ANO2: variants seen among roughly 807,000 people sequenced by gnomAD.
ANO2 encodes the protein anoctamin 2, also known as anoctamin-2.
In ANO2, 101 loss-of-function variants were observed where a neutral mutation model predicts 124.2. The observed-to-expected ratio is 0.81, with a 90% CI of 0.69 to 0.96. The LOEUF (loss-of-function observed/expected upper bound fraction) is 0.96. Among genes scored for constraint, ANO2 ranks in the 40% least tolerant of loss-of-function variants. The pLI, the probability that ANO2 is intolerant of heterozygous loss-of-function variation, is 0.00. For synonymous variants in ANO2, 486 were observed against 482.5 expected (o/e 1.01, Z -0.09); for missense variants, 1,293 against 1,274.5 (o/e 1.01, Z -0.22).
rs1299364590 is a variant in ANO2, at chr12:5,563,588, G to A, written c.2728-20C>T. Reference sequence around the variant, plus strand: ...GAGGTTCTGCAAAAAGCCAAGGAGAGAGGGGCTGAGTTGGAGAGGCCCGGC... The same window carrying A: ...GAGGTTCTGCAAAAAGCCAAGGAGAAAGGGGCTGAGTTGGAGAGGCCCGGC... On this transcript the variant is annotated intron_variant, in intron 24 of 24. Coordinates refer to ENST00000682330, the MANE Select transcript of ANO2 (RefSeq NM_001364791.2). The A allele has an allele frequency of 6.2e-6, 10 of 1,612,344 alleles. No individual in the cohort carries two copies. Among genetic ancestry groups the A allele is most frequent in the Non-Finnish European group, 6.8e-6 (8 of 1,178,870 alleles).
chr12:5,582,569 G>A (rs1029825057), intron 20 of ANO2, among the ~76,000 whole-genome samples: 2 of 152,244 alleles, frequency 1.3e-5, no homozygotes, highest in East Asian at 1.9e-4. Context: ...GATTGGTGGA[G>A]AAGATTTTGA....
intron 19 of ANO2, among the ~76,000 whole-genome samples, chr12:5,602,332 C>T (rs1943982000): frequency 6.6e-6 from 1 of 151,872 alleles, no homozygotes; most frequent in Non-Finnish European, 1.5e-5. Context: ...CTCACTTCAA[C>T]CTCTGTCTCC....
intron 13 of ANO2, chr12:5,732,956 G>T: frequency 1.9e-6 from 3 of 1,542,900 alleles, no homozygotes; most frequent in Non-Finnish European, 2.7e-6. Flanking sequence ...CCAGTGCTTT[G>T]CAGAGCAGTT....
intron 3 of ANO2, among the ~76,000 whole-genome samples, chr12:5,887,660 A>AG (rs1435619962): frequency 4.6e-5 from 7 of 152,350 alleles, no homozygotes; most frequent in Middle Eastern, 3.4e-3. Flanking sequence ...TTCGAAATAA[A>AG]GAAGGAAGGA....
intron 10 of ANO2, among the ~76,000 whole-genome samples, chr12:5,756,137 C>T (rs1427126036): frequency 6.6e-6 from 1 of 151,836 alleles, no homozygotes; most frequent in East Asian, 1.9e-4. Flanking sequence ...ACCAAGTATG[C>T]TACTGAAGTT....
At chr12:5,671,723 G>A (rs1313147592) in intron 14 of ANO2, among the ~76,000 whole-genome samples, 1 of 152,166 alleles carries the variant, frequency 6.6e-6, no homozygotes, top group Admixed American at 6.5e-5. Context: ...AAATAACACA[G>A]TGCAAATGAC....
At chr12:5,605,719 C>T (rs1944186452) in intron 19 of ANO2, among the ~76,000 whole-genome samples, 1 of 152,090 alleles carries the variant, frequency 6.6e-6, no homozygotes, top group Non-Finnish European at 1.5e-5. Flanking sequence ...GATCCAAAGT[C>T]TATTTTGCAT....
chr12:5,905,079 C>T (rs1010252395), intron 3 of ANO2, among the ~76,000 whole-genome samples: 8 of 152,188 alleles, frequency 5.3e-5, no homozygotes, highest in South Asian at 2.1e-4. Context: ...AGGGAGGACA[C>T]GGCAGTGACT....
In ANO2 at chr12:5,854,148, G is replaced by A. The variant is rs202107970; in HGVS notation, c.535-7C>T. ...TGGATCCCTGGCTTTTATTCTGCAA[G>A]GTACAAAGAAAGAACAAATGGAAAC... is the stretch of plus-strand genomic sequence containing the variant. On this transcript the variant is annotated splice_region_variant and splice_polypyrimidine_tract_variant and intron_variant, in intron 3 of 24. Transcript: ENST00000682330. 21 of 1,611,226 alleles carry A rather than the reference G, an allele frequency of 1.3e-5. No individual in the cohort carries two copies. The East Asian group carries it at 4.5e-4, about 34-fold the overall frequency.
At chr12:5,612,556 T>C in intron 19 of ANO2, 100 bp downstream of exon 19, 1 of 953,366 alleles carries the variant, frequency 1.0e-6, no homozygotes, top group Non-Finnish European at 1.7e-6. Flanking sequence ...CACCAAGCTG[T>C]CTAAGAAGAG....
At chr12:5,611,356 T>C (rs1268787637) in intron 19 of ANO2, among the ~76,000 whole-genome samples, 1 of 152,094 alleles carries the variant, frequency 6.6e-6, no homozygotes, top group African/African-American at 2.4e-5. Context: ...ATACATAGAA[T>C]ATGCGGTTAT....
intron 11 of ANO2, among the ~76,000 whole-genome samples, chr12:5,750,103 A>ATT (rs548033339): frequency 6.9e-6 from 1 of 145,186 alleles, no homozygotes; most frequent in Admixed American, 6.9e-5. Context: ...GCCCAGCTAA[A>ATT]TTTTTTTTTT....
At chr12:5,723,334 T>C (rs1159953998) in intron 14 of ANO2, among the ~76,000 whole-genome samples, 1 of 152,204 alleles carries the variant, frequency 6.6e-6, no homozygotes, top group Non-Finnish European at 1.5e-5. Flanking sequence ...TGTATTTCCC[T>C]GCCTTCTGCT....
intron 24 of ANO2, among the ~76,000 whole-genome samples, chr12:5,565,070 G>A (rs1342656957): frequency 2.0e-5 from 3 of 152,056 alleles, no homozygotes; most frequent in African/African-American, 7.2e-5. Flanking sequence ...ATTCATTCAG[G>A]GATGGCTCGA....
intron 10 of ANO2, among the ~76,000 whole-genome samples, chr12:5,797,631 G>T (rs528630029): frequency 6.6e-6 from 1 of 152,246 alleles, no homozygotes; most frequent in African/African-American, 2.4e-5. Context: ...AGGTCAGAGA[G>T]TTCCTTATGC....
intron 10 of ANO2, among the ~76,000 whole-genome samples, chr12:5,783,304 A>C (rs1397822341): frequency 6.6e-6 from 1 of 152,128 alleles, no homozygotes; most frequent in Non-Finnish European, 1.5e-5. Context: ...TTATCTCTCA[A>C]AGTAACCTTT....
chr12:5,565,436 A>G (rs1324830961), intron 24 of ANO2, 122 bp downstream of exon 24: 3 of 879,434 alleles, frequency 3.4e-6, no homozygotes, highest in Non-Finnish European at 5.3e-6. Context: ...CCTGCCACAC[A>G]TGAAGCTTTC....
chr12:5,660,107 C>T (rs553397346), intron 14 of ANO2, among the ~76,000 whole-genome samples: 10 of 152,234 alleles, frequency 6.6e-5, no homozygotes, highest in South Asian at 4.1e-4. Flanking sequence ...TACAATTTTT[C>T]GACTTTACAA....
intron 14 of ANO2, among the ~76,000 whole-genome samples, chr12:5,696,083 C>A: frequency 6.6e-6 from 1 of 151,286 alleles, no homozygotes. Context: ...ATGAGTTAAA[C>A]ATCCAACAAC....
Sources: allele counts gnomAD v4.1 joint callset (sites outside exome capture counted in the v4.1 genomes callset), GRCh38; gene constraint gnomAD v4.1.1; transcripts MANE v1.5; gene names NCBI Gene and HGNC (gene_info 2026-07-23, HGNC 2026-07-21).